DOCK4: variants seen among roughly 807,000 people sequenced by gnomAD.
DOCK4 encodes the protein dedicator of cytokinesis 4.
A neutral mutation model predicts 268.1 loss-of-function variants in DOCK4; 97 were observed. That is an observed-to-expected ratio of 0.36 (90% CI 0.31 to 0.43). The LOEUF is 0.43. DOCK4 is among the 20% of genes least tolerant of loss of function. DOCK4 has a pLI of 1.00. For missense variants in DOCK4, 2,145 were observed against 2,455.7 expected, an observed-to-expected ratio of 0.87 and a Z score of 2.67; for synonymous variants, 954 against 887.2, an observed-to-expected ratio of 1.08 and a Z score of -1.34.
At position 111,777,763 on chromosome 7, in the gene DOCK4, A is replaced by G. The variant is rs142595987; in HGVS notation, c.3679+513T>C. Among the ~76,000 whole-genome samples the G allele has an allele frequency of 9.6e-3, 1,453 of 152,058 alleles. 15 individuals are homozygous for G. Among genetic ancestry groups the G allele is most frequent in the African/African-American group, 0.033 (1,354 of 41,446 alleles). ...TCCCATGCTGCTCTCATAATAGTGA[A>G]TAAGTGTCACAAGATCTGATGCTTT... On this transcript the variant is annotated intron_variant, in intron 36 of 52. Coordinates refer to ENST00000428084, the MANE Select transcript of DOCK4 (RefSeq NM_001363540.2).
rs551569047 is a variant in DOCK4, at chr7:112,167,127, G to A, written c.37+38975C>T. On this transcript the variant is annotated intron_variant, in intron 1 of 52. Transcript: ENST00000428084. ...TCCATTCAGCCAGTGGCCTATAGCT[G>A]GACCAATGTCCCAGCATCTCAATTA... Among the ~76,000 whole-genome samples, 32 of 152,230 alleles carry A rather than the reference G, an allele frequency of 2.1e-4. 1 individual carries two copies. The South Asian group carries it at 6.2e-3, about 30-fold the overall frequency.
intron 22 of DOCK4, among the ~76,000 whole-genome samples, chr7:111,864,102 G>A (rs1805776654): frequency 1.3e-5 from 2 of 152,126 alleles, no homozygotes; most frequent in South Asian, 4.1e-4. Context: ...AAAGTTATTT[G>A]AGCACCCTTT....
At position 112,039,383 on chromosome 7, in the gene DOCK4, G is replaced by T. The variant is rs547424441; in HGVS notation, c.38-35252C>A. On this transcript the variant is annotated intron_variant, in intron 1 of 52. Transcript: ENST00000428084. ...AAAGAGGATTTCATATGGGGGGGGGGGCTTAAAGATGCAGAAATCTAGTTA... is the reference window on the plus strand; with the variant it reads ...AAAGAGGATTTCATATGGGGGGGGGTGCTTAAAGATGCAGAAATCTAGTTA... 2.2e-3 allele frequency among the ~76,000 whole-genome samples: 294 copies of T among 136,658 alleles called. 6 individuals are homozygous for T. Among genetic ancestry groups the T allele is most frequent in the African/African-American group, 7.4e-3 (274 of 37,162 alleles). The allele number at this position is 136,658 out of a possible 152,430, so 89.7% of individuals were successfully genotyped here.
At chr7:111,734,198 T>A (rs1363874884) in intron 51 of DOCK4, among the ~76,000 whole-genome samples, 1 of 152,018 alleles carries the variant, frequency 6.6e-6, no homozygotes, top group Non-Finnish European at 1.5e-5. Flanking sequence ...TGCCTTGGCC[T>A]CCCAAAGTGC....
chr7:111,820,581 A>C (rs367796615), intron 27 of DOCK4: 5 of 152,220 alleles, frequency 3.3e-5, no homozygotes. Context: ...GTGTGACCAT[A>C]AAGTCTTTAA....
chr7:112,178,856 T>C (rs1818748782), intron 1 of DOCK4, among the ~76,000 whole-genome samples: 1 of 152,202 alleles, frequency 6.6e-6, no homozygotes. Flanking sequence ...GTGCACATGA[T>C]GGAGGCTGCC....
intron 43 of DOCK4, 47 bp downstream of exon 43, chr7:111,747,220 A>G: frequency 6.4e-7 from 1 of 1,567,984 alleles, no homozygotes; most frequent in Non-Finnish European, 8.7e-7. Context: ...AACCCTAAGA[A>G]GTCACAATTG....
At chr7:112,197,753 C>T (rs1488425300) in intron 1 of DOCK4, among the ~76,000 whole-genome samples, 4 of 152,052 alleles carry the variant, frequency 2.6e-5, no homozygotes, top group East Asian at 3.9e-4. Flanking sequence ...AAGCAATTAG[C>T]GAAGTCTCAT....
intron 37 of DOCK4, among the ~76,000 whole-genome samples, chr7:111,767,348 T>C (rs1652988154): frequency 6.6e-6 from 1 of 151,230 alleles, no homozygotes; most frequent in Admixed American, 6.6e-5. Flanking sequence ...TGCTTCAGCC[T>C]CCTGAGTAGC....
At chr7:111,816,904 G>C (rs1223279594) in intron 27 of DOCK4, among the ~76,000 whole-genome samples, 1 of 152,198 alleles carries the variant, frequency 6.6e-6, no homozygotes, top group Admixed American at 6.5e-5. Context: ...CTAAAGCAGG[G>C]AAGCAGAGAA....
At chr7:111,934,589 G>C (rs1485015729) in intron 12 of DOCK4, among the ~76,000 whole-genome samples, 1 of 147,662 alleles carries the variant, frequency 6.8e-6, no homozygotes, top group East Asian at 2.0e-4. Flanking sequence ...CAGTGCAGTG[G>C]CGCGACCTTG....
At chr7:111,995,118 A>G (rs1207736994) in intron 4 of DOCK4, among the ~76,000 whole-genome samples, 1 of 150,148 alleles carries the variant, frequency 6.7e-6, no homozygotes, top group African/African-American at 2.5e-5. Context: ...TGCAAGCTCC[A>G]CCTCCCAGGT....
At chr7:111,936,580 A>G (rs539939200) in intron 11 of DOCK4, among the ~76,000 whole-genome samples, 6 of 152,192 alleles carry the variant, frequency 3.9e-5, no homozygotes, top group African/African-American at 1.4e-4. Context: ...ATTTGTAAGC[A>G]TGTGGTTCTG....
chr7:112,051,280 A>G (rs1805328691), intron 1 of DOCK4, among the ~76,000 whole-genome samples: 1 of 151,762 alleles, frequency 6.6e-6, no homozygotes, highest in Non-Finnish European at 1.5e-5. Flanking sequence ...AGGGTTAAAA[A>G]CTCTCTCAGA....
chr7:111,795,638 T>C (rs970437980), intron 30 of DOCK4, among the ~76,000 whole-genome samples: 1 of 152,186 alleles, frequency 6.6e-6, no homozygotes, highest in South Asian at 2.1e-4. Flanking sequence ...AACATGACTT[T>C]GGTGTTTTGA....
intron 1 of DOCK4, among the ~76,000 whole-genome samples, chr7:112,125,817 T>G (rs1286668516): frequency 1.3e-5 from 2 of 152,106 alleles, no homozygotes; most frequent in African/African-American, 4.8e-5. Context: ...TTTTGTTTTT[T>G]GTTTTTTTTT....
chr7:111,786,457 T>C (rs976995430), intron 32 of DOCK4, among the ~76,000 whole-genome samples: 2 of 152,182 alleles, frequency 1.3e-5, no homozygotes, highest in African/African-American at 2.4e-5. Context: ...TTCAGTGTTA[T>C]CAAAATGAAT....
At chr7:111,847,494 A>G (rs1264155160) in intron 23 of DOCK4, among the ~76,000 whole-genome samples, 1 of 149,558 alleles carries the variant, frequency 6.7e-6, no homozygotes, top group East Asian at 2.0e-4. Flanking sequence ...TTCCCCCTTG[A>G]TATAGTTTGG....
chr7:112,029,108 C>T (rs17159177), intron 1 of DOCK4, among the ~76,000 whole-genome samples: 3,226 of 152,252 alleles, frequency 0.021, 110 homozygotes, highest in African/African-American at 0.073. Flanking sequence ...GTTGGTGGCA[C>T]CCAGCTCTGA....
Sources: gnomAD v4.1 joint callset for allele counts (sites outside exome capture counted in the v4.1 genomes callset) on GRCh38, gnomAD v4.1.1 for gene constraint, MANE v1.5 for transcripts, NCBI Gene and HGNC (gene_info 2026-07-23, HGNC 2026-07-21) for gene names.